Variants in ATE1 observed in about 807,000 individuals in gnomAD.
ATE1 encodes the protein arginyltransferase 1, also known as arginyl-tRNA--protein transferase 1.
Under a neutral mutation model 70.5 loss-of-function variants are expected in ATE1, and 36 were observed. The observed-to-expected ratio is 0.51, with a 90% CI of 0.39 to 0.67. The LOEUF is 0.67. Among genes scored for constraint, ATE1 ranks in the 30% least tolerant of loss-of-function variants. The pLI is 0.00. For missense variants in ATE1, 593 were observed against 629.5 expected (o/e 0.94, Z 0.62); for synonymous variants, 232 against 219.3 (o/e 1.06, Z -0.51).
chr10:121,784,257 T>A (rs1476567668), intron 11 of ATE1, among the ~76,000 whole-genome samples: 1 of 152,228 alleles, frequency 6.6e-6, no homozygotes, highest in Non-Finnish European at 1.5e-5. Context: ...TAAAATAGTA[T>A]GTTTTAAAAT....
chr10:121,858,886 G>A (rs1013068905), intron 8 of ATE1, among the ~76,000 whole-genome samples: 11 of 151,568 alleles, frequency 7.3e-5, no homozygotes, highest in Admixed American at 4.6e-4. Context: ...ATCTGAGGTC[G>A]GGAGTTCGAG....
At chr10:121,911,442 T>TAA (rs371014661) in intron 4 of ATE1, among the ~76,000 whole-genome samples, 10,528 of 128,202 alleles carry the variant, frequency 0.082, 577 homozygotes, top group East Asian at 0.22. Context: ...TACAGTAAAT[T>TAA]AAAAAAAAAA....
At chr10:121,853,192 G>C (rs920489657) in intron 8 of ATE1, among the ~76,000 whole-genome samples, 1 of 151,662 alleles carries the variant, frequency 6.6e-6, no homozygotes. Context: ...GTGAAACCCC[G>C]TCTCTACTAA....
chr10:121,770,129 G>T (rs4278457), intron 11 of ATE1, among the ~76,000 whole-genome samples: 80,237 of 151,212 alleles, frequency 0.53, 21,499 homozygotes, highest in Middle Eastern at 0.64. Flanking sequence ...TGGTTAAATG[G>T]CTAAACGAAG....
At chr10:121,915,679 G>A (rs1324887564) in intron 3 of ATE1, among the ~76,000 whole-genome samples, 1 of 152,036 alleles carries the variant, frequency 6.6e-6, no homozygotes, top group Non-Finnish European at 1.5e-5. Flanking sequence ...CACGAGGTCA[G>A]GAGATCGAGA....
At chr10:121,849,338 A>C (rs1303501429) in intron 8 of ATE1, among the ~76,000 whole-genome samples, 1 of 152,238 alleles carries the variant, frequency 6.6e-6, no homozygotes, top group Non-Finnish European at 1.5e-5. Flanking sequence ...TGTTCAAACT[A>C]CAATTACCTT....
intron 7 of ATE1, among the ~76,000 whole-genome samples, chr10:121,898,309 G>A (rs944778919): frequency 6.6e-6 from 1 of 152,148 alleles, no homozygotes; most frequent in Non-Finnish European, 1.5e-5. Flanking sequence ...TAAATTACAT[G>A]AGATATTCAA....
chr10:121,793,816 T>C lies in ATE1; in HGVS notation c.1258-3527A>G, dbSNP rs182118073. 2.4e-3 allele frequency among the ~76,000 whole-genome samples: 365 copies of C among 152,298 alleles called. 3 individuals are homozygous for C. Among genetic ancestry groups the C allele is most frequent in the Non-Finnish European group, 2.9e-3 (194 of 68,006 alleles). On this transcript the variant is annotated intron_variant, in intron 10 of 11. Transcript: ENST00000224652. ...CATACTCTTACGCCATATGAAAATC[T>C]GATGTGTGGTCAAATCGATAATTTT...
chr10:121,769,804 A>G (rs1945426655), intron 11 of ATE1, among the ~76,000 whole-genome samples: 1 of 152,252 alleles, frequency 6.6e-6, no homozygotes, highest in Non-Finnish European at 1.5e-5. Flanking sequence ...AGTTAAGACT[A>G]TCGTGAGGTA....
intron 7 of ATE1, among the ~76,000 whole-genome samples, chr10:121,875,508 T>C (rs1950024197): frequency 6.6e-6 from 1 of 152,020 alleles, no homozygotes; most frequent in Non-Finnish European, 1.5e-5. Flanking sequence ...TTTCACCATG[T>C]TGGCTAGGCT....
At chr10:121,878,003 G>A (rs1184349145) in intron 7 of ATE1, among the ~76,000 whole-genome samples, 1 of 152,208 alleles carries the variant, frequency 6.6e-6, no homozygotes, top group Admixed American at 6.5e-5. Context: ...TAGTAGAACA[G>A]ATTAATAAAT....
At chr10:121,863,670 T>C (rs936621056) in intron 8 of ATE1, among the ~76,000 whole-genome samples, 2 of 152,304 alleles carry the variant, frequency 1.3e-5, no homozygotes, top group African/African-American at 4.8e-5. Context: ...ACTGCAGTGG[T>C]GCAATCATAG....
intron 7 of ATE1, among the ~76,000 whole-genome samples, chr10:121,872,562 G>A (rs564593417): frequency 3.8e-4 from 58 of 151,946 alleles, no homozygotes; most frequent in African/African-American, 1.4e-3. Flanking sequence ...CCTTCATAAT[G>A]AAACTGTACA....
At chr10:121,811,032 T>C (rs780987758) in intron 10 of ATE1, among the ~76,000 whole-genome samples, 4 of 152,128 alleles carry the variant, frequency 2.6e-5, no homozygotes, top group Non-Finnish European at 4.4e-5. Context: ...AGTTTGCCAT[T>C]TGATGTTATA....
At chr10:121,753,837 A>C (rs1044677943) in intron 11 of ATE1, among the ~76,000 whole-genome samples, 2 of 152,230 alleles carry the variant, frequency 1.3e-5, no homozygotes, top group Non-Finnish European at 2.9e-5. Context: ...GGATTTCTCA[A>C]AGATGAGAGG....
intron 11 of ATE1, among the ~76,000 whole-genome samples, chr10:121,773,136 C>T (rs897437611): frequency 2.6e-5 from 4 of 152,140 alleles, no homozygotes; most frequent in African/African-American, 7.2e-5. Context: ...GCCCTGCTTT[C>T]GTTAGTTTAC....
At chr10:121,926,406 A>G (rs1443944007) in intron 1 of ATE1, among the ~76,000 whole-genome samples, 2 of 152,206 alleles carry the variant, frequency 1.3e-5, no homozygotes, top group African/African-American at 4.8e-5. Context: ...ATCTGTAAAT[A>G]AAAAAATAAA....
intron 7 of ATE1, among the ~76,000 whole-genome samples, chr10:121,886,872 T>C (rs1270518993): frequency 1.3e-5 from 2 of 152,200 alleles, no homozygotes; most frequent in Non-Finnish European, 2.9e-5. Flanking sequence ...GGTCTTTGCC[T>C]AATTGGAGAA....
At chr10:121,928,452 CGGGCCGACCACGCCTCTTGGCGCCCG>C (rs779086287), upstream of ATE1, 15 of 1,513,966 alleles carry the variant, frequency 9.9e-6, 1 homozygote, top group African/African-American at 1.5e-4. Context: ...AGGGTCCGCT[CGGGCCGACCACGCCTCTTGGCGCCCG>C]GGGCCGACCT....
Sources: allele counts gnomAD v4.1 joint callset (sites outside exome capture counted in the v4.1 genomes callset), GRCh38; gene constraint gnomAD v4.1.1; transcripts MANE v1.5; gene names NCBI Gene and HGNC (gene_info 2026-07-23, HGNC 2026-07-21).